The following C7 variants were observed in gnomAD, a reference collection of about 807,000 sequenced individuals.
The protein encoded by C7 is complement component C7.
Under a neutral mutation model 104.8 loss-of-function variants are expected in C7, and 83 were observed. That is an observed-to-expected ratio of 0.79 (90% CI 0.66 to 0.95). The LOEUF (loss-of-function observed/expected upper bound fraction) is 0.95, where lower values mean the gene tolerates loss of function less well. C7 is among the 40% of genes least tolerant of loss of function. The pLI, the probability that C7 is intolerant of heterozygous loss-of-function variation, is 0.00. For synonymous variants in C7, 415 were observed against 360.6 expected, an observed-to-expected ratio of 1.15 and a Z score of -1.71; for missense variants, 1,070 against 1,011.2, an observed-to-expected ratio of 1.06 and a Z score of -0.79.
intron 6 of C7, among the ~76,000 whole-genome samples, chr5:40,942,461 G>A (rs1046516294): frequency 6.6e-6 from 1 of 152,020 alleles, no homozygotes; most frequent in Non-Finnish European, 1.5e-5. Flanking sequence ...GGAAAGAAAA[G>A]TTAATAAGTT....
At chr5:40,940,937 A>G (rs987182582) in intron 6 of C7, among the ~76,000 whole-genome samples, 5 of 152,180 alleles carry the variant, frequency 3.3e-5, no homozygotes, top group African/African-American at 9.7e-5. Context: ...TTTATATAGT[A>G]TATATATGTA....
intron 1 of C7, among the ~76,000 whole-genome samples, chr5:40,915,743 A>C (rs1739304581): frequency 6.6e-6 from 1 of 152,202 alleles, no homozygotes; most frequent in Non-Finnish European, 1.5e-5. Flanking sequence ...TCACCCTTTC[A>C]GATATGCTAA....
At chr5:40,977,503 G>A (rs1740844337) in intron 16 of C7, among the ~76,000 whole-genome samples, 1 of 152,244 alleles carries the variant, frequency 6.6e-6, no homozygotes, top group Non-Finnish European at 1.5e-5. Flanking sequence ...GGTCCAAGGA[G>A]TAAGGAGAGG....
At chr5:40,959,957 G>A (rs1231435289) in intron 12 of C7, among the ~76,000 whole-genome samples, 1 of 152,194 alleles carries the variant, frequency 6.6e-6, no homozygotes, top group Non-Finnish European at 1.5e-5. Flanking sequence ...CAGGTAAACT[G>A]ATACTAAGAT....
chr5:40,934,638 T>G (rs929575931), intron 4 of C7, among the ~76,000 whole-genome samples, 172 bp downstream of exon 4: 1 of 152,214 alleles, frequency 6.6e-6, no homozygotes, highest in African/African-American at 2.4e-5. Flanking sequence ...TCAGCTATCA[T>G]TTTTTCAAAT....
intron 1 of C7, among the ~76,000 whole-genome samples, chr5:40,920,752 T>A (rs1279951123): frequency 6.6e-6 from 1 of 151,950 alleles, no homozygotes; most frequent in East Asian, 1.9e-4. Flanking sequence ...GAACTTATAT[T>A]TAGAAAAAAA....
chr5:40,960,854 A>G (rs1187836616), intron 12 of C7, among the ~76,000 whole-genome samples: 1 of 152,106 alleles, frequency 6.6e-6, no homozygotes, highest in Admixed American at 6.6e-5. Flanking sequence ...GGCAGTCTTG[A>G]AAACCATTGT....
At chr5:40,967,405 T>C (rs2111692279) in intron 14 of C7, 1 of 152,326 alleles carries the variant, frequency 6.6e-6, no homozygotes, top group African/African-American at 2.4e-5. Flanking sequence ...CTAGCAGTTA[T>C]TTTTTATTTT....
chr5:40,977,213 C>G (rs1227020081), intron 16 of C7, among the ~76,000 whole-genome samples: 1 of 152,202 alleles, frequency 6.6e-6, no homozygotes, highest in African/African-American at 2.4e-5. Context: ...GATAGGGAAA[C>G]AGCAGCTGCT....
In C7 at chr5:40,979,578, G is replaced by A. The variant is rs1740893918; in HGVS notation, c.2166-147G>A. 4 of 585,976 alleles carry A rather than the reference G, an allele frequency of 6.8e-6. No individual in the cohort carries two copies. In the East Asian group the frequency reaches 1.2e-4, roughly 17 times the overall value. The allele number at this position is 585,976 out of a possible 1,614,324, so 36.3% of individuals were successfully genotyped here. A position where few individuals can be genotyped will look rare whatever the true frequency, so the allele number is the denominator to read the frequency against. On this transcript the variant is annotated intron_variant, in intron 16 of 17. Coordinates refer to ENST00000313164, the MANE Select transcript of C7 (RefSeq NM_000587.4). ...TAAGTGAGTTGGACCTAGGAATGAA[G>A]GGGATTTGAGTTTCCACCTTTTTTT...
intron 2 of C7, 146 bp from the exon 3 acceptor site, chr5:40,930,918 T>C (rs1739668133): frequency 1.5e-6 from 1 of 660,302 alleles, no homozygotes; most frequent in South Asian, 1.7e-5. Flanking sequence ...CCCTCCATTT[T>C]TATATATTTT....
chr5:40,962,020 G>T (rs1379906027), intron 12 of C7, 65 bp from the exon 13 acceptor site: 2 of 791,762 alleles, frequency 2.5e-6, no homozygotes, highest in East Asian at 6.1e-5. Flanking sequence ...GAAATCCAAC[G>T]TAATGCAAAA....
In C7 at chr5:40,932,693, G is replaced by T. The variant is rs1038259402; in HGVS notation, c.138+1554G>T. 4.6e-5 allele frequency among the ~76,000 whole-genome samples: 7 copies of T among 152,060 alleles called. 1 individual carries two copies. The highest frequency in any genetic ancestry group is 3.9e-4 in the Admixed American group (6 of 15,254). ...CCAGGTACATGAATAACAAGCAAAG[G>T]TCAAAGAAACATCAAACACGTTAAA... is the stretch of plus-strand genomic sequence containing the variant. On this transcript the variant is annotated intron_variant, in intron 3 of 17. Transcript: ENST00000313164.
At chr5:40,960,986 A>G (rs746627905) in intron 12 of C7, among the ~76,000 whole-genome samples, 11 of 152,140 alleles carry the variant, frequency 7.2e-5, no homozygotes, top group African/African-American at 1.4e-4. Flanking sequence ...CTGTTCTCCC[A>G]TCTTCCTTTT....
chr5:40,972,107 A>T (rs907129126), intron 14 of C7: 1 of 517,366 alleles, frequency 1.9e-6, no homozygotes, highest in African/African-American at 1.9e-5. Context: ...TTTGGTTTCA[A>T]CAGTAGGCTG....
intron 7 of C7, among the ~76,000 whole-genome samples, chr5:40,946,324 T>A (rs1203221509): frequency 1.3e-5 from 2 of 152,228 alleles, no homozygotes; most frequent in Non-Finnish European, 2.9e-5. Context: ...ATAATTTTTT[T>A]AGGCTAATTA....
At chr5:40,919,783 C>T (rs1436944902) in intron 1 of C7, among the ~76,000 whole-genome samples, 1 of 151,792 alleles carries the variant, frequency 6.6e-6, no homozygotes, top group Non-Finnish European at 1.5e-5. Flanking sequence ...ATCTTGTTAT[C>T]TTAAGATAAA....
intron 9 of C7, among the ~76,000 whole-genome samples, chr5:40,951,885 C>A (rs535201592): frequency 8.0e-4 from 122 of 152,284 alleles, no homozygotes; most frequent in African/African-American, 2.8e-3. Context: ...TTGCTTCATT[C>A]ATCAACTATT....
intron 16 of C7, among the ~76,000 whole-genome samples, chr5:40,977,611 C>A (rs374419501): frequency 2.0e-5 from 3 of 152,130 alleles, no homozygotes; most frequent in Admixed American, 1.3e-4. Context: ...GTCCCACAGG[C>A]GTGAGCCAGG....
Sources: gnomAD v4.1 joint callset for allele counts (sites outside exome capture counted in the v4.1 genomes callset) on GRCh38, gnomAD v4.1.1 for gene constraint, MANE v1.5 for transcripts, NCBI Gene and HGNC (gene_info 2026-07-23, HGNC 2026-07-21) for gene names.